ADAMTS12: variants seen among roughly 807,000 people sequenced by gnomAD.
ADAMTS12 encodes ADAM metallopeptidase with thrombospondin type 1 motif 12.
A neutral mutation model predicts 167.8 loss-of-function variants in ADAMTS12; 118 were observed. The ratio of observed to expected loss-of-function variants is 0.70; its 90% confidence interval spans 0.61 to 0.82. The LOEUF is 0.82. Ranked by LOEUF, ADAMTS12 falls within the 40% of genes least tolerant of loss-of-function variation. The pLI is 0.00. For synonymous variants in ADAMTS12, 704 were observed against 716.9 expected (o/e 0.98, Z 0.29); for missense variants, 1,916 against 1,998.8 (o/e 0.96, Z 0.79).
At chr5:33,687,957 C>T (rs1279902315) in intron 3 of ADAMTS12, among the ~76,000 whole-genome samples, 2 of 152,168 alleles carry the variant, frequency 1.3e-5, no homozygotes, top group Non-Finnish European at 2.9e-5. Flanking sequence ...CCCCTCTTCT[C>T]AGCTGGCATA....
At position 33,658,087 on chromosome 5, in the gene ADAMTS12, C is replaced by T. The variant is rs113516123; in HGVS notation, c.1190+97G>A. 3.9e-3 allele frequency: 5,681 copies of T among 1,471,864 alleles called. 198 individuals are homozygous for T. In the African/African-American group the frequency reaches 0.07, roughly 18 times the overall value. The allele number at this position is 1,471,864 out of a possible 1,614,324, so 91.2% of individuals were successfully genotyped here. A position where few individuals can be genotyped will look rare whatever the true frequency, so the allele number is the denominator to read the frequency against. ...ACAAGCCACAGTATAATCTGAGTCTCCTGACCCCCAATTTGAGGTGTGTTC... is the reference window on the plus strand; with the variant it reads ...ACAAGCCACAGTATAATCTGAGTCTTCTGACCCCCAATTTGAGGTGTGTTC... On this transcript the variant is annotated intron_variant, in intron 7 of 23. Coordinates refer to ENST00000504830, the MANE Select transcript of ADAMTS12 (RefSeq NM_030955.4).
Position 33,650,864 on chromosome 5 carries a change from T to C in ADAMTS12, c.1191-1167A>G, listed in dbSNP as rs923534905. On this transcript the variant is annotated intron_variant, in intron 7 of 23. Transcript: ENST00000504830. The stretch of plus-strand genomic sequence containing the variant: ...ATTGGCTTAAATTTCTAAATCTGTA[T>C]GACCTTTTACTCTTTGTAGTGAAAT... Among the ~76,000 whole-genome samples, 8 of 152,208 alleles carry C rather than the reference T, an allele frequency of 5.3e-5. 1 individual carries two copies. Among genetic ancestry groups the C allele is most frequent in the Admixed American group, 2.6e-4 (4 of 15,286 alleles).
In ADAMTS12 at chr5:33,890,932, C is replaced by T. The variant is rs1399972917; in HGVS notation, c.127+798G>A. On this transcript the variant is annotated intron_variant, in intron 1 of 23. Coordinates refer to ENST00000504830, the MANE Select transcript of ADAMTS12 (RefSeq NM_030955.4). ...TCGGATGGGCTGACACAGAGTGCCA[C>T]GCGGGCCATTGCTGCTGCTAGGACT... 3.3e-5 allele frequency among the ~76,000 whole-genome samples: 5 copies of T among 152,240 alleles called. No homozygotes were observed. In the East Asian group the frequency reaches 7.7e-4, roughly 24 times the overall value.
chr5:33,542,146 C>T (rs574580304), intron 22 of ADAMTS12, among the ~76,000 whole-genome samples: 2 of 152,016 alleles, frequency 1.3e-5, no homozygotes, highest in African/African-American at 4.8e-5. Flanking sequence ...GGAGGAAGAT[C>T]TACCAAGCAA....
chr5:33,614,431 A>C, intron 15 of ADAMTS12, 55 bp from the exon 16 acceptor site: 1 of 1,594,742 alleles, frequency 6.3e-7, no homozygotes, highest in East Asian at 2.3e-5. Flanking sequence ...ACCATAAGCC[A>C]GTCATGTAAA....
intron 3 of ADAMTS12, among the ~76,000 whole-genome samples, chr5:33,685,100 T>C (rs1475063037): frequency 6.6e-6 from 1 of 152,196 alleles, no homozygotes; most frequent in Non-Finnish European, 1.5e-5. Flanking sequence ...AAGATTCCTA[T>C]CAGGATCACA....
intron 7 of ADAMTS12, among the ~76,000 whole-genome samples, chr5:33,656,250 C>T (rs1561197790): frequency 6.6e-6 from 1 of 152,158 alleles, no homozygotes; most frequent in Non-Finnish European, 1.5e-5. Context: ...CCACCACTCC[C>T]AATAACTACT....
intron 1 of ADAMTS12, chr5:33,887,990 G>A (rs1750697267): frequency 6.6e-6 from 1 of 151,866 alleles, no homozygotes; most frequent in African/African-American, 2.4e-5. Flanking sequence ...GGTTATCCAC[G>A]CACCTCGGCC....
At chr5:33,727,848 A>G (rs1459787480) in intron 3 of ADAMTS12, among the ~76,000 whole-genome samples, 6 of 152,050 alleles carry the variant, frequency 3.9e-5, no homozygotes, top group Non-Finnish European at 7.4e-5. Context: ...GCCTGTGTTT[A>G]TGTTTACTTA....
intron 10 of ADAMTS12, 68 bp from the exon 11 acceptor site, chr5:33,642,023 C>A: frequency 6.8e-7 from 1 of 1,461,726 alleles, no homozygotes. Flanking sequence ...GCCAAGAGCC[C>A]TAAAAGTCTA....
At chr5:33,800,226 C>G (rs1746946510) in intron 2 of ADAMTS12, among the ~76,000 whole-genome samples, 1 of 152,152 alleles carries the variant, frequency 6.6e-6, no homozygotes, top group African/African-American at 2.4e-5. Context: ...ATGTTAAGTT[C>G]AAGGCACCAT....
chr5:33,857,002 T>C (rs1447846669), intron 2 of ADAMTS12, among the ~76,000 whole-genome samples: 3 of 152,244 alleles, frequency 2.0e-5, no homozygotes, highest in Non-Finnish European at 2.9e-5. Context: ...ACAGCCTAAA[T>C]GTCCACTGAC....
chr5:33,629,161 A>C (rs1000022271), intron 13 of ADAMTS12, among the ~76,000 whole-genome samples: 10 of 152,132 alleles, frequency 6.6e-5, no homozygotes, highest in African/African-American at 2.4e-4. Flanking sequence ...TGAGGAGTGA[A>C]TGTGATGCTG....
intron 2 of ADAMTS12, among the ~76,000 whole-genome samples, chr5:33,837,631 G>A (rs1748584186): frequency 6.6e-6 from 1 of 152,136 alleles, no homozygotes; most frequent in Admixed American, 6.5e-5. Context: ...CCTAGCATCT[G>A]CATGGTTCTT....
At chr5:33,827,030 A>G (rs1233331647) in intron 2 of ADAMTS12, among the ~76,000 whole-genome samples, 1 of 151,688 alleles carries the variant, frequency 6.6e-6, no homozygotes, top group Non-Finnish European at 1.5e-5. Context: ...AATAGCTCTC[A>G]GTTCATCCAC....
At chr5:33,828,644 C>T (rs1561294674) in intron 2 of ADAMTS12, among the ~76,000 whole-genome samples, 1 of 152,154 alleles carries the variant, frequency 6.6e-6, no homozygotes. Context: ...CACCTAGGGT[C>T]CATATTTGTA....
Position 33,859,648 on chromosome 5 carries a change from C to T in ADAMTS12, c.489+21471G>A, listed in dbSNP as rs1483620758. On this transcript the variant is annotated intron_variant, in intron 2 of 23. Coordinates refer to ENST00000504830, the MANE Select transcript of ADAMTS12 (RefSeq NM_030955.4). Reference sequence around the variant, plus strand: ...GAGCAGTGGATCTCCCAGCACAGTGCTCAAGCTCTGCTAAGGGACAGACTG... The same window carrying T: ...GAGCAGTGGATCTCCCAGCACAGTGTTCAAGCTCTGCTAAGGGACAGACTG... Among the ~76,000 whole-genome samples, 3 of 152,210 alleles carry T rather than the reference C, an allele frequency of 2.0e-5. No individual in the cohort carries two copies. In the South Asian group the frequency reaches 6.2e-4, roughly 31 times the overall value.
intron 18 of ADAMTS12, 86 bp downstream of exon 18, chr5:33,588,513 G>T: frequency 6.5e-7 from 1 of 1,534,040 alleles, no homozygotes; most frequent in East Asian, 2.2e-5. Context: ...TTTACCTAGG[G>T]TCACTTTGGA....
chr5:33,631,962 G>C (rs1376838779), intron 12 of ADAMTS12, among the ~76,000 whole-genome samples: 2 of 152,118 alleles, frequency 1.3e-5, no homozygotes, highest in African/African-American at 2.4e-5. Flanking sequence ...CCAAGCCTGA[G>C]TGCACAGTGA....
Sources: gnomAD v4.1 joint callset for allele counts (sites outside exome capture counted in the v4.1 genomes callset) on GRCh38, gnomAD v4.1.1 for gene constraint, MANE v1.5 for transcripts, NCBI Gene and HGNC (gene_info 2026-07-23, HGNC 2026-07-21) for gene names.